The following ARID5B variants were observed in gnomAD, a reference collection of about 807,000 sequenced individuals.
ARID5B encodes the protein AT-rich interactive domain-containing protein 5B.
Under a neutral mutation model 97.2 loss-of-function variants are expected in ARID5B, and 13 were observed. That is an observed-to-expected ratio of 0.13 (90% confidence interval 0.09 to 0.21). The LOEUF is 0.21. Ranked by LOEUF, ARID5B falls within the 10% of genes least tolerant of loss-of-function variation. The pLI is 1.00. For missense variants in ARID5B, 1,210 were observed against 1,465.3 expected, an observed-to-expected ratio of 0.83 and a Z score of 2.84; for synonymous variants, 556 against 570.3, an observed-to-expected ratio of 0.97 and a Z score of 0.36.
chr10:61,975,982 A>T (rs1838693349), intron 3 of ARID5B, among the ~76,000 whole-genome samples: 1 of 152,222 alleles, frequency 6.6e-6, no homozygotes, highest in Non-Finnish European at 1.5e-5. Flanking sequence ...GAGAGGAAGA[A>T]TCTCAGTTCC....
intron 8 of ARID5B, among the ~76,000 whole-genome samples, chr10:62,077,828 C>G (rs986880419): frequency 6.6e-6 from 1 of 152,142 alleles, no homozygotes; most frequent in African/African-American, 2.4e-5. Context: ...CATGCCACTG[C>G]ACAAACATCT....
chr10:62,084,155 A>G (rs879814006), intron 8 of ARID5B, among the ~76,000 whole-genome samples: 39 of 152,204 alleles, frequency 2.6e-4, no homozygotes, highest in Non-Finnish European at 5.1e-4. Flanking sequence ...AGGGCTCCAA[A>G]GTATTATTCA....
At chr10:61,998,599 G>A (rs1839034133) in intron 3 of ARID5B, among the ~76,000 whole-genome samples, 1 of 152,202 alleles carries the variant, frequency 6.6e-6, no homozygotes, top group South Asian at 2.1e-4. Flanking sequence ...AAAGTGAGGT[G>A]TAAATAAGCA....
chr10:62,031,473 C>T (rs1839496387), intron 4 of ARID5B, among the ~76,000 whole-genome samples: 1 of 152,194 alleles, frequency 6.6e-6, no homozygotes, highest in African/African-American at 2.4e-5. Context: ...TCTTTGGTAA[C>T]TCTCTTTGGG....
intron 8 of ARID5B, among the ~76,000 whole-genome samples, chr10:62,078,755 T>G (rs2132966941): frequency 6.6e-6 from 1 of 152,312 alleles, no homozygotes; most frequent in South Asian, 2.1e-4. Context: ...GTCTAGATGC[T>G]CTTACATGTG....
intron 3 of ARID5B, among the ~76,000 whole-genome samples, chr10:61,972,176 T>C (rs1023162170): frequency 6.6e-6 from 1 of 151,938 alleles, no homozygotes; most frequent in African/African-American, 2.4e-5. Context: ...TGCTTATATG[T>C]TGGATATTAA....
At chr10:61,924,735 C>T (rs1342828205) in intron 2 of ARID5B, among the ~76,000 whole-genome samples, 1 of 152,210 alleles carries the variant, frequency 6.6e-6, no homozygotes, top group Non-Finnish European at 1.5e-5. Context: ...GAAGACTGCT[C>T]TTCTAATTAA....
chr10:61,953,455 T>A (rs1838350344), intron 3 of ARID5B, among the ~76,000 whole-genome samples: 1 of 152,186 alleles, frequency 6.6e-6, no homozygotes, highest in Non-Finnish European at 1.5e-5. Flanking sequence ...CTTTTCTTTT[T>A]TTTTTAATTG....
At chr10:61,963,757 C>T (rs985774303) in intron 3 of ARID5B, among the ~76,000 whole-genome samples, 3 of 151,590 alleles carry the variant, frequency 2.0e-5, no homozygotes, top group African/African-American at 2.4e-5. Context: ...CAGGAGACTT[C>T]GGTCATCTTT....
chr10:62,028,838 G>A (rs559841605), intron 4 of ARID5B, among the ~76,000 whole-genome samples: 1 of 152,016 alleles, frequency 6.6e-6, no homozygotes, highest in African/African-American at 2.4e-5. Context: ...GCGCATGCCT[G>A]TAATCCCAGC....
chr10:62,000,418 T>G lies in ARID5B; in HGVS notation c.733+97T>G. On this transcript the variant is annotated intron_variant, in intron 4 of 9. Transcript: ENST00000279873. This position sits in a 1 kb window ranked among gnomAD's most constrained non-coding sequence, Gnocchi z 4.4. ...AGCGGTGATGGGGAACGGGGCTCACTTTCACAAGCCCCATGTGCTGCCCCA... is the reference window on the plus strand; with the variant it reads ...AGCGGTGATGGGGAACGGGGCTCACGTTCACAAGCCCCATGTGCTGCCCCA... 1 of 1,168,636 alleles carries G rather than the reference T, an allele frequency of 8.6e-7. No individual in the cohort carries two copies. The highest frequency in any genetic ancestry group is 1.2e-6 in the Non-Finnish European group (1 of 836,826). The allele number at this position is 1,168,636 out of a possible 1,614,324, so 72.4% of individuals were successfully genotyped here.
chr10:62,087,038 C>T (rs969327785), intron 9 of ARID5B, among the ~76,000 whole-genome samples: 6 of 152,148 alleles, frequency 3.9e-5, no homozygotes, highest in South Asian at 4.1e-4. Context: ...CGGTGGCTCA[C>T]GCCTGTAATC....
intron 2 of ARID5B, among the ~76,000 whole-genome samples, chr10:61,934,996 G>C (rs10994972): frequency 0.038 from 5,499 of 145,168 alleles, 392 homozygotes; most frequent in East Asian, 0.34. Flanking sequence ...CTGGGCAACA[G>C]AGCAAGACTC....
intron 8 of ARID5B, among the ~76,000 whole-genome samples, chr10:62,081,870 T>C (rs997509101): frequency 2.0e-5 from 3 of 152,216 alleles, no homozygotes; most frequent in Admixed American, 1.3e-4. Flanking sequence ...TAACTTGAGA[T>C]TTAGCAAAGC....
chr10:61,991,393 A>T (rs1464900454), intron 3 of ARID5B, among the ~76,000 whole-genome samples: 1 of 152,056 alleles, frequency 6.6e-6, no homozygotes, highest in African/African-American at 2.4e-5. Flanking sequence ...TAGTCATCCT[A>T]CTGGGTGTGA....
At chr10:62,047,763 C>A (rs1455680286) in intron 4 of ARID5B, among the ~76,000 whole-genome samples, 2 of 152,182 alleles carry the variant, frequency 1.3e-5, no homozygotes, top group Non-Finnish European at 2.9e-5. Context: ...ACTGACCTAG[C>A]AAATGACAGA....
intron 8 of ARID5B, among the ~76,000 whole-genome samples, chr10:62,074,364 G>A (rs988321121): frequency 1.3e-5 from 2 of 152,110 alleles, no homozygotes; most frequent in Non-Finnish European, 2.9e-5. Flanking sequence ...GCATTCCTTG[G>A]ACAAGATTGT....
intron 3 of ARID5B, among the ~76,000 whole-genome samples, chr10:61,957,701 T>C (rs1424311844): frequency 2.0e-5 from 3 of 152,238 alleles, no homozygotes; most frequent in Non-Finnish European, 4.4e-5. Context: ...ATAGATGGCA[T>C]GTTGAAATAA....
intron 2 of ARID5B, among the ~76,000 whole-genome samples, chr10:61,922,487 C>T (rs751778965): frequency 1.3e-5 from 2 of 152,194 alleles, no homozygotes; most frequent in African/African-American, 4.8e-5. Flanking sequence ...CTTGTAGTCC[C>T]AGCTACTTGG....
Sources: allele counts gnomAD v4.1 joint callset (sites outside exome capture counted in the v4.1 genomes callset), GRCh38; gene constraint gnomAD v4.1.1; non-coding constraint Gnocchi (gnomAD v3.1); transcripts MANE v1.5; gene names NCBI Gene and HGNC (gene_info 2026-07-23, HGNC 2026-07-21).